Variants in DOC2B observed in about 807,000 individuals in gnomAD.
DOC2B encodes the protein double C2 domain beta, also known as double C2-like domain-containing protein beta.
DOC2B carries 21 observed loss-of-function variants against 28.9 expected under a neutral mutation model. That is an observed-to-expected ratio of 0.73 (90% CI 0.52 to 1.05). The LOEUF (loss-of-function observed/expected upper bound fraction) is 1.05, where lower values mean the gene tolerates loss of function less well. Among genes scored for constraint, DOC2B ranks in the 50% least tolerant of loss-of-function variants. The probability of loss-of-function intolerance (pLI) is 0.00; values close to 1 mark genes in which losing one functional copy is unlikely to be tolerated. For missense variants in DOC2B, 384 were observed against 421.1 expected (o/e 0.91, Z 0.77); for synonymous variants, 194 against 178.1 (o/e 1.09, Z -0.71).
At chr17:166,492 C>T (rs542001640) in intron 2 of DOC2B, among the ~76,000 whole-genome samples, 3 of 152,342 alleles carry the variant, frequency 2.0e-5, no homozygotes, top group South Asian at 2.1e-4. Flanking sequence ...CGTGGTTTGG[C>T]GGTGTCCCCA....
intron 2 of DOC2B, among the ~76,000 whole-genome samples, chr17:170,314 C>T (rs930161893): frequency 3.9e-5 from 6 of 152,200 alleles, no homozygotes; most frequent in African/African-American, 1.4e-4. Context: ...GCGTGCAGGC[C>T]TCTCAGTGCC....
At chr17:159,595 G>T (rs1390980177) in intron 5 of DOC2B, among the ~76,000 whole-genome samples, 2 of 152,192 alleles carry the variant, frequency 1.3e-5, no homozygotes, top group Non-Finnish European at 2.9e-5. Flanking sequence ...CTGAACTCCA[G>T]CCTGGATGAC....
intron 1 of DOC2B, among the ~76,000 whole-genome samples, chr17:180,176 AG>A (rs2040422354): frequency 6.6e-6 from 1 of 152,202 alleles, no homozygotes; most frequent in South Asian, 2.1e-4. Context: ...CTGAGCTAGG[AG>A]GGGGTTCTCA....
At chr17:173,885 A>G (rs1845129628) in intron 1 of DOC2B, among the ~76,000 whole-genome samples, 1 of 152,246 alleles carries the variant, frequency 6.6e-6, no homozygotes, top group Non-Finnish European at 1.5e-5. Flanking sequence ...ACCTGGATCT[A>G]GATCCAATTA....
intron 1 of DOC2B, among the ~76,000 whole-genome samples, chr17:180,801 G>A (rs1392696326): frequency 6.6e-6 from 1 of 151,968 alleles, no homozygotes; most frequent in Non-Finnish European, 1.5e-5. Flanking sequence ...CTCCGGGAGG[G>A]CGGGCTGGCA....
At chr17:157,213 G>A (rs376602294) in intron 5 of DOC2B, among the ~76,000 whole-genome samples, 3 of 152,202 alleles carry the variant, frequency 2.0e-5, no homozygotes, top group Non-Finnish European at 2.9e-5. Flanking sequence ...CTTTGAAGCC[G>A]GGTCCCACCT....
chr17:157,756 A>G (rs1016852090), intron 5 of DOC2B, among the ~76,000 whole-genome samples: 7 of 152,320 alleles, frequency 4.6e-5, no homozygotes, highest in African/African-American at 1.7e-4. Context: ...TACCTGCGTC[A>G]TCTTTAATAC....
chr17:152,241 T>C (rs920545828), intron 6 of DOC2B, among the ~76,000 whole-genome samples: 15 of 152,146 alleles, frequency 9.9e-5, no homozygotes, highest in Non-Finnish European at 2.9e-5. Context: ...GTTACTGCCA[T>C]TTTCACGGGC....
At chr17:151,031 C>T (rs967748139) in intron 6 of DOC2B, among the ~76,000 whole-genome samples, 11 of 152,224 alleles carry the variant, frequency 7.2e-5, no homozygotes, top group African/African-American at 2.6e-4. Context: ...TTTCTGGGGT[C>T]ATATTCTCTG....
At position 144,078 on chromosome 17, in the gene DOC2B, CGGG is replaced by C. The variant is rs2040002651; in HGVS notation, c.*3360_*3362del. ...GTCGGGGATTGGCGCAGGCGGCGGGCGGGGCGGCGGGCGGGGCGGCGGGCGGGG... is the reference window on the plus strand; with the variant it reads ...GTCGGGGATTGGCGCAGGCGGCGGGCGCGGCGGGCGGGGCGGCGGGCGGGG... On this transcript the variant is annotated 3_prime_UTR_variant, in exon 9 of 9. Coordinates refer to ENST00000613549, the MANE Select transcript of DOC2B (RefSeq NM_003585.5). 2.5e-3 allele frequency: 1 copy of C among 402 alleles called. No homozygotes were observed. Among genetic ancestry groups the C allele is most frequent in the African/African-American group, 6.5e-3 (1 of 154 alleles). 0.0% of individuals were successfully genotyped at this position (402 alleles called of 1,614,324 possible). A position where few individuals can be genotyped will look rare whatever the true frequency, so the allele number is the denominator to read the frequency against.
intron 6 of DOC2B, 136 bp downstream of exon 6, chr17:156,084 C>T: frequency 1.0e-6 from 1 of 971,680 alleles, no homozygotes; most frequent in East Asian, 2.8e-5. Flanking sequence ...GCCAAGGTAG[C>T]CCATCAGGGA....
At chr17:162,212 T>C (rs1023213271) in intron 3 of DOC2B, 22 bp from the exon 4 acceptor site, 1 of 1,512,280 alleles carries the variant, frequency 6.6e-7, no homozygotes, top group African/African-American at 1.4e-5. Context: ...AAAAATGATC[T>C]TATTAGCATC....
At chr17:174,192 T>C (rs1345379882) in intron 1 of DOC2B, among the ~76,000 whole-genome samples, 1 of 152,236 alleles carries the variant, frequency 6.6e-6, no homozygotes, top group Admixed American at 6.5e-5. Context: ...CACATGTCTC[T>C]GTCTTCGCAG....
At chr17:158,334 C>T (rs1332346993) in intron 5 of DOC2B, among the ~76,000 whole-genome samples, 2 of 152,120 alleles carry the variant, frequency 1.3e-5, no homozygotes, top group African/African-American at 4.8e-5. Context: ...CCCCTGGATC[C>T]CCTTAGGACT....
rs989445675 is a variant in DOC2B at position 149,102 on chromosome 17, C to G, written c.1005+9G>C. ...ATGGCCTTCATGAAGCTTCACCAGC[C>G]CCTCATACCTCATTAAACTCCGGGT... On this transcript the variant is annotated intron_variant, in intron 7 of 8. Transcript: ENST00000613549. 1.5e-5 allele frequency: 6 copies of G among 399,052 alleles called. No individual in the cohort carries two copies. The highest frequency in any genetic ancestry group is 1.2e-4 in the African/African-American group (6 of 48,554). 24.7% of individuals were successfully genotyped at this position (399,052 alleles called of 1,614,324 possible). A position where few individuals can be genotyped will look rare whatever the true frequency, so the allele number is the denominator to read the frequency against.
Position 147,093 on chromosome 17 carries a change from G to T in DOC2B, c.*348C>A, listed in dbSNP as rs947713412. 60 of 218,722 alleles carry T rather than the reference G, an allele frequency of 2.7e-4. 1 individual carries two copies. In the South Asian group the frequency reaches 0.011, roughly 39 times the overall value. The allele number at this position is 218,722 out of a possible 1,614,324, so 13.5% of individuals were successfully genotyped here. A position where few individuals can be genotyped will look rare whatever the true frequency, so the allele number is the denominator to read the frequency against. The stretch of plus-strand genomic sequence containing the variant: ...TCCTCTGTTCCCACTGTCCGCCAAG[G>T]CGCCCCCACACTCCTGTCCTCTCAG... On this transcript the variant is annotated 3_prime_UTR_variant, in exon 9 of 9. Transcript: ENST00000613549.
intron 6 of DOC2B, among the ~76,000 whole-genome samples, chr17:150,989 A>T (rs2040066191): frequency 6.6e-6 from 1 of 152,222 alleles, no homozygotes; most frequent in Non-Finnish European, 1.5e-5. Context: ...TGAGACAGAA[A>T]ACAGGTGAGT....
At chr17:157,319 G>A (rs1357168223) in intron 5 of DOC2B, among the ~76,000 whole-genome samples, 1 of 152,150 alleles carries the variant, frequency 6.6e-6, no homozygotes, top group Admixed American at 6.5e-5. Context: ...TCTGGGCCTG[G>A]GGGGCTTTTC....
chr17:164,629 A>T (rs561371525), intron 2 of DOC2B, among the ~76,000 whole-genome samples: 2 of 152,158 alleles, frequency 1.3e-5, no homozygotes, highest in Non-Finnish European at 1.5e-5. Context: ...ACAGTCTGAG[A>T]CTAGGCCCCA....
Sources: allele counts gnomAD v4.1 joint callset (sites outside exome capture counted in the v4.1 genomes callset), GRCh38; gene constraint gnomAD v4.1.1; transcripts MANE v1.5; gene names NCBI Gene and HGNC (gene_info 2026-07-23, HGNC 2026-07-21).